Variants in HMCN1 observed in about 807,000 individuals in gnomAD.
The protein encoded by HMCN1 is hemicentin 1.
A neutral mutation model predicts 625.9 loss-of-function variants in HMCN1; 321 were observed. The ratio of observed to expected loss-of-function variants is 0.51; its 90% confidence interval spans 0.47 to 0.56. The LOEUF (loss-of-function observed/expected upper bound fraction) is 0.56. HMCN1 is among the 20% of genes least tolerant of loss of function. The pLI is 0.00. For synonymous variants in HMCN1, 2,425 were observed against 2,417.6 expected, an observed-to-expected ratio of 1.00 and a Z score of -0.09; for missense variants, 6,588 against 6,887.3, an observed-to-expected ratio of 0.96 and a Z score of 1.54.
intron 2 of HMCN1, among the ~76,000 whole-genome samples, chr1:185,849,386 C>T (rs1251717616): frequency 6.6e-6 from 1 of 152,160 alleles, no homozygotes; most frequent in Non-Finnish European, 1.5e-5. Context: ...TGGGTCATTT[C>T]TCACTACCTT....
At chr1:186,051,056 A>G (rs933340756) in intron 42 of HMCN1, among the ~76,000 whole-genome samples, 4 of 152,020 alleles carry the variant, frequency 2.6e-5, no homozygotes, top group Admixed American at 1.3e-4. Context: ...TCTGTATTCA[A>G]TGAGCTTAAT....
At position 185,748,106 on chromosome 1, in the gene HMCN1, G is replaced by T. The variant is rs114927605; in HGVS notation, c.268+13059G>T. ...ATACATTATTTCACTAAGTAATAGA[G>T]AACAAAATTTTAAAAAGATATTGTA... On this transcript the variant is annotated intron_variant, in intron 1 of 106. Coordinates refer to ENST00000271588, the MANE Select transcript of HMCN1 (RefSeq NM_031935.3). Among the ~76,000 whole-genome samples, 1,083 of 130,546 alleles carry T rather than the reference G, an allele frequency of 8.3e-3. 9 individuals carry two copies. The highest frequency in any genetic ancestry group is 0.032 in the Middle Eastern group (7 of 218). 85.6% of individuals were successfully genotyped at this position (130,546 alleles called of 152,430 possible).
chr1:186,188,777 A>G (rs1465486290), intron 106 of HMCN1, among the ~76,000 whole-genome samples: 1 of 151,766 alleles, frequency 6.6e-6, no homozygotes, highest in African/African-American at 2.4e-5. Flanking sequence ...CCTATCTGCA[A>G]TTGGTCTGAT....
chr1:185,830,335 CTGAA>C (rs1449084998), intron 1 of HMCN1, among the ~76,000 whole-genome samples: 2 of 152,080 alleles, frequency 1.3e-5, no homozygotes, highest in Non-Finnish European at 2.9e-5. Flanking sequence ...GCCGTATGTC[CTGAA>C]TGGTTTTGCC....
chr1:186,059,056 C>T (rs1475186455), intron 46 of HMCN1, among the ~76,000 whole-genome samples: 1 of 151,882 alleles, frequency 6.6e-6, no homozygotes, highest in Non-Finnish European at 1.5e-5. Context: ...AATGAGATAC[C>T]TAAAACAGTT....
intron 90 of HMCN1, 44 bp from the exon 91 acceptor site, chr1:186,144,488 GT>G: frequency 1.2e-6 from 2 of 1,613,626 alleles, no homozygotes; most frequent in Non-Finnish European, 1.7e-6. Flanking sequence ...TAACACGATG[GT>G]TCCTAGGTAG....
chr1:185,750,926 A>G (rs1231597728), intron 1 of HMCN1, among the ~76,000 whole-genome samples: 1 of 151,856 alleles, frequency 6.6e-6, no homozygotes, highest in Admixed American at 6.6e-5. Context: ...TTGTCTTGAA[A>G]TTAATCACTG....
chr1:186,131,529 T>C (rs995248546), intron 85 of HMCN1, among the ~76,000 whole-genome samples: 11 of 152,156 alleles, frequency 7.2e-5, no homozygotes, highest in Non-Finnish European at 1.2e-4. Flanking sequence ...CTGAAACTCT[T>C]CCATTTCCAG....
In HMCN1 at chr1:185,772,629, C is replaced by G. The variant is rs556758309; in HGVS notation, c.268+37582C>G. The stretch of plus-strand genomic sequence containing the variant: ...AGAAAAGAATTTTGGTTTTGGACAT[C>G]GTAGTGGTAACTACTGATTGCTTAC... On this transcript the variant is annotated intron_variant, in intron 1 of 106. Coordinates refer to ENST00000271588, the MANE Select transcript of HMCN1 (RefSeq NM_031935.3). Among the ~76,000 whole-genome samples the G allele has an allele frequency of 3.9e-5, 6 of 152,182 alleles. No individual in the cohort carries two copies. The South Asian group carries it at 1.2e-3, about 32-fold the overall frequency.
intron 1 of HMCN1, among the ~76,000 whole-genome samples, chr1:185,760,343 G>A (rs1405336939): frequency 2.0e-5 from 3 of 152,168 alleles, no homozygotes; most frequent in African/African-American, 7.2e-5. Context: ...GTGGAACTCA[G>A]TGAGAGAGAA....
chr1:186,114,268 T>C, intron 73 of HMCN1, 145 bp downstream of exon 73: 1 of 951,442 alleles, frequency 1.1e-6, no homozygotes. Context: ...TATTTTATTA[T>C]TTTTCTGAGA....
Position 186,094,325 on chromosome 1 carries a change from T to G in HMCN1, c.10246T>G (p.Ser3416Ala). ...TGTCGCTGTGTATACTTGTGTGGCC[T>G]CCAACAGAGCTGGGGTGGATAATAA... Reference protein sequence around the residue: ...SDVAVYTCVASNRAGVDNKHY... With the variant: ...SDVAVYTCVAANRAGVDNKHY... Residue 3416 changes from serine (S) to alanine (A), a missense_variant, in exon 67 of 107, where the codon TCC (serine) becomes GCC (alanine). Coordinates refer to ENST00000271588, the MANE Select transcript of HMCN1 (RefSeq NM_031935.3). The G allele has an allele frequency of 6.2e-7, 1 of 1,613,410 alleles. No individual in the cohort carries two copies. Among genetic ancestry groups the G allele is most frequent in the South Asian group, 1.1e-5 (1 of 91,086 alleles).
intron 57 of HMCN1, among the ~76,000 whole-genome samples, chr1:186,083,302 G>C (rs949779802): frequency 3.3e-4 from 50 of 152,100 alleles, no homozygotes; most frequent in African/African-American, 1.2e-3. Context: ...CTATCCACTA[G>C]TCATGATTGG....
intron 1 of HMCN1, among the ~76,000 whole-genome samples, chr1:185,805,183 T>C (rs975206343): frequency 1.3e-5 from 2 of 152,210 alleles, no homozygotes; most frequent in Admixed American, 1.3e-4. Flanking sequence ...GCTTGTGAGA[T>C]ACAATAGCAT....
chr1:186,083,348 G>T (rs1659285431), intron 57 of HMCN1, among the ~76,000 whole-genome samples: 1 of 151,922 alleles, frequency 6.6e-6, no homozygotes, highest in Non-Finnish European at 1.5e-5. Flanking sequence ...AATTCATGTT[G>T]AGCTATGTCC....
chr1:185,910,981 A>G (rs16824744), intron 5 of HMCN1, among the ~76,000 whole-genome samples: 10,787 of 152,200 alleles, frequency 0.071, 1,333 homozygotes, highest in African/African-American at 0.25. Flanking sequence ...TCTAAGTTCC[A>G]ACTATTAGAC....
chr1:186,039,872 G>T lies in HMCN1; in HGVS notation c.6173G>T (p.Gly2058Val). Residue 2058 changes from glycine to valine, a missense_variant, in exon 39 of 107, where the codon GGA (glycine) becomes GTA (valine). Gly to Val is a moderately radical substitution (Grantham distance 109). Around this residue, in one of 3 missense-constraint regions of HMCN1, gnomAD observed 4,628 missense variants for 4,853.1 expected, o/e 0.95. Transcript: ENST00000271588. ...DGSPVSSFSNGLQVLSGGRIL... is the reference protein window; with the variant it reads ...DGSPVSSFSNVLQVLSGGRIL... The stretch of plus-strand genomic sequence containing the variant: ...AGTCCTGTTTCTAGTTTTTCTAATG[G>T]ATTACAGGTACCTTCATTCATTTCT... 1 of 1,613,026 alleles carries T rather than the reference G, an allele frequency of 6.2e-7. No homozygotes were observed. Among genetic ancestry groups the T allele is most frequent in the Non-Finnish European group, 8.5e-7 (1 of 1,179,294 alleles).
At chr1:185,797,342 T>G (rs1658456757) in intron 1 of HMCN1, among the ~76,000 whole-genome samples, 1 of 152,184 alleles carries the variant, frequency 6.6e-6, no homozygotes, top group Non-Finnish European at 1.5e-5. Context: ...CTTGCTCTGT[T>G]GCCCAGGATA....
intron 77 of HMCN1, 50 bp from the exon 78 acceptor site, chr1:186,119,141 T>G: frequency 1.5e-6 from 2 of 1,354,744 alleles, no homozygotes; most frequent in Non-Finnish European, 2.1e-6. Context: ...TTTATTGAAC[T>G]AAAAAAACTG....
Sources: allele counts gnomAD v4.1 joint callset (sites outside exome capture counted in the v4.1 genomes callset), GRCh38; gene constraint gnomAD v4.1.1; regional missense constraint gnomAD v4.1.1; transcripts MANE v1.5; gene names NCBI Gene and HGNC (gene_info 2026-07-23, HGNC 2026-07-21).